The following WWOX variants were observed in gnomAD, a reference collection of about 807,000 sequenced individuals.
The protein encoded by WWOX is WW domain-containing oxidoreductase.
In WWOX, 69 loss-of-function variants were observed where a neutral mutation model predicts 46.2. The observed-to-expected ratio is 1.49, with a 90% CI of 1.23 to 1.82. The LOEUF is 1.82. Ranked by LOEUF, WWOX falls within the 40% of genes most tolerant of loss-of-function variation. WWOX has a pLI of 0.00. For synonymous variants in WWOX, 359 were observed against 202.6 expected (o/e 1.77, Z -6.56); for missense variants, 919 against 542.6 (o/e 1.69, Z -6.89).
intron 8 of WWOX, among the ~76,000 whole-genome samples, chr16:78,450,936 T>C (rs1346479391): frequency 2.0e-5 from 3 of 152,238 alleles, no homozygotes; most frequent in Non-Finnish European, 4.4e-5. Context: ...TTGTCCTTCC[T>C]GTTCCAAGCA....
intron 5 of WWOX, among the ~76,000 whole-genome samples, chr16:78,360,541 G>T (rs888357017): frequency 2.2e-5 from 3 of 138,308 alleles, no homozygotes; most frequent in Non-Finnish European, 4.5e-5. Flanking sequence ...GCCAAGCGGA[G>T]TGCCACTGCA....
intron 5 of WWOX, among the ~76,000 whole-genome samples, chr16:78,245,138 A>G (rs928085231): frequency 6.6e-6 from 1 of 152,250 alleles, no homozygotes; most frequent in Admixed American, 6.5e-5. Flanking sequence ...ATTGTTAATT[A>G]TCCCATATGG....
At chr16:78,505,681 C>G (rs2085181143) in intron 8 of WWOX, among the ~76,000 whole-genome samples, 1 of 151,658 alleles carries the variant, frequency 6.6e-6, no homozygotes, top group African/African-American at 2.4e-5. Context: ...ACCCTCATTC[C>G]CAGTCCTGGC....
intron 5 of WWOX, among the ~76,000 whole-genome samples, chr16:78,166,434 T>C (rs1373515534): frequency 6.6e-6 from 1 of 152,252 alleles, no homozygotes; most frequent in Non-Finnish European, 1.5e-5. Context: ...ATTCTTTATT[T>C]ACGTATTTGT....
chr16:79,031,908 A>G (rs2047767590), intron 8 of WWOX, among the ~76,000 whole-genome samples: 2 of 49,512 alleles, frequency 4.0e-5, no homozygotes, highest in South Asian at 9.6e-4. Context: ...ATCTATATAT[A>G]TAGATATCTA....
At chr16:78,499,716 T>C (rs2085012069) in intron 8 of WWOX, among the ~76,000 whole-genome samples, 1 of 152,190 alleles carries the variant, frequency 6.6e-6, no homozygotes, top group African/African-American at 2.4e-5. Flanking sequence ...TTTTTTTTAA[T>C]CTGTAGCTCC....
intron 8 of WWOX, among the ~76,000 whole-genome samples, chr16:78,645,022 G>A (rs147552536): frequency 6.6e-6 from 1 of 152,294 alleles, no homozygotes; most frequent in East Asian, 1.9e-4. Flanking sequence ...TCATTAAATA[G>A]TGCTTTCTTT....
chr16:78,739,620 G>A (rs538989950), intron 8 of WWOX, among the ~76,000 whole-genome samples: 1 of 152,246 alleles, frequency 6.6e-6, no homozygotes, highest in South Asian at 2.1e-4. Flanking sequence ...AGACCAGCCT[G>A]GCTAACACGG....
At chr16:78,419,622 T>C (rs374463920) in intron 6 of WWOX, among the ~76,000 whole-genome samples, 1,199 of 9,406 alleles carry the variant, frequency 0.13, 16 homozygotes, top group Middle Eastern at 0.25. Flanking sequence ...CAGCAAAAAA[T>C]AGCAAAAAAA....
intron 8 of WWOX, among the ~76,000 whole-genome samples, chr16:78,613,327 C>T (rs889447559): frequency 2.6e-5 from 4 of 152,068 alleles, no homozygotes; most frequent in Non-Finnish European, 5.9e-5. Flanking sequence ...CCTTGAAGTC[C>T]CGATGCGTGA....
intron 8 of WWOX, among the ~76,000 whole-genome samples, chr16:78,557,756 C>T (rs890191023): frequency 3.7e-5 from 5 of 134,458 alleles, no homozygotes; most frequent in Non-Finnish European, 6.0e-5. Context: ...AGTGCAGTGG[C>T]GCGATGTCAG....
intron 8 of WWOX, among the ~76,000 whole-genome samples, chr16:78,649,286 G>C (rs2046913080): frequency 6.6e-6 from 1 of 151,446 alleles, no homozygotes; most frequent in African/African-American, 2.4e-5. Context: ...TGACTGACCT[G>C]TTTTTAATTT....
At chr16:78,618,613 C>G (rs1204412045) in intron 8 of WWOX, among the ~76,000 whole-genome samples, 1 of 152,134 alleles carries the variant, frequency 6.6e-6, no homozygotes, top group South Asian at 2.1e-4. Flanking sequence ...TTTGGGCTTC[C>G]ACATACAAAG....
At position 78,411,141 on chromosome 16, in the gene WWOX, C is replaced by T. The variant is rs183800932; in HGVS notation, c.606-13729C>T. Among the ~76,000 whole-genome samples, 4 of 152,254 alleles carry T rather than the reference C, an allele frequency of 2.6e-5. No homozygotes were observed. In the East Asian group the frequency reaches 7.7e-4, roughly 29 times the overall value. ...TTTTCTATATTCTGTTAGTTAGAAA[C>T]AAATTCCTAGGTCTCACCCACCCTT... On this transcript the variant is annotated intron_variant, in intron 6 of 8. Transcript: ENST00000566780.
intron 8 of WWOX, among the ~76,000 whole-genome samples, chr16:78,658,650 C>G (rs1372192910): frequency 6.6e-6 from 1 of 152,162 alleles, no homozygotes; most frequent in African/African-American, 2.4e-5. Flanking sequence ...GTCTCCGCCT[C>G]CGCCTTCACA....
At chr16:78,387,033 A>C (rs1694959375) in intron 6 of WWOX, 85 bp downstream of exon 6, 1 of 1,384,994 alleles carries the variant, frequency 7.2e-7, no homozygotes, top group Non-Finnish European at 1.0e-6. Flanking sequence ...GGAGAATGCA[A>C]GGCTGTTGTG....
At chr16:78,870,065 A>C (rs898336332) in intron 8 of WWOX, among the ~76,000 whole-genome samples, 2 of 152,200 alleles carry the variant, frequency 1.3e-5, no homozygotes, top group African/African-American at 4.8e-5. Context: ...ATCATTGATC[A>C]AAGTATTGGT....
At chr16:78,847,725 C>G (rs2052337861) in intron 8 of WWOX, among the ~76,000 whole-genome samples, 2 of 151,182 alleles carry the variant, frequency 1.3e-5, no homozygotes, top group South Asian at 4.2e-4. Flanking sequence ...CAACTAAAGG[C>G]TAGGATTTGG....
At chr16:78,277,078 T>C (rs1197885965) in intron 5 of WWOX, among the ~76,000 whole-genome samples, 1 of 152,156 alleles carries the variant, frequency 6.6e-6, no homozygotes, top group African/African-American at 2.4e-5. Context: ...GCAGACCCGG[T>C]GAAGTTTTGG....
Sources: gnomAD v4.1 joint callset for allele counts (sites outside exome capture counted in the v4.1 genomes callset) on GRCh38, gnomAD v4.1.1 for gene constraint, MANE v1.5 for transcripts, NCBI Gene and HGNC (gene_info 2026-07-23, HGNC 2026-07-21) for gene names.